The following RNF214 variants were observed in gnomAD, a reference collection of about 807,000 sequenced individuals.
RNF214 encodes ring finger protein 214.
Under a neutral mutation model 75.9 loss-of-function variants are expected in RNF214, and 25 were observed. The ratio of observed to expected loss-of-function variants is 0.33; its 90% CI spans 0.24 to 0.46. The LOEUF is 0.46. Ranked by LOEUF, RNF214 falls within the 20% of genes least tolerant of loss-of-function variation. The pLI, the probability that RNF214 is intolerant of heterozygous loss-of-function variation, is 1.00. For synonymous variants in RNF214, 314 were observed against 308.8 expected (o/e 1.02, Z -0.18); for missense variants, 725 against 857.5 (o/e 0.85, Z 1.93).
chr11:117,243,642 A>G (rs1345306734), intron 4 of RNF214, among the ~76,000 whole-genome samples: 1 of 152,228 alleles, frequency 6.6e-6, no homozygotes, highest in South Asian at 2.1e-4. Flanking sequence ...TTTGAAAGGT[A>G]ACCATTGATT....
rs117648372 is a variant in RNF214 at position 117,258,126 on chromosome 11, G to A, written c.959+11178G>A. On this transcript the variant is annotated intron_variant, in intron 6 of 14. Coordinates refer to ENST00000300650, the MANE Select transcript of RNF214 (RefSeq NM_207343.4). The stretch of plus-strand genomic sequence containing the variant: ...TTTTGAGACAGAGTCTCGCTCTGTC[G>A]CCAGGCTGGAGCGCTCACTGCAACC... Among the ~76,000 whole-genome samples the A allele has an allele frequency of 7.2e-3, 1,076 of 149,154 alleles. 7 individuals are homozygous for A. The highest frequency in any genetic ancestry group is 0.011 in the Non-Finnish European group (765 of 67,512).
In RNF214 at chr11:117,279,914, G is replaced by T. The variant is rs750651099; in HGVS notation, c.966G>T (p.Val322=). 1.9e-6 allele frequency: 3 copies of T among 1,608,770 alleles called. No individual in the cohort carries two copies. The highest frequency in any genetic ancestry group is 1.7e-5 in the Admixed American group (1 of 59,598). The change falls in exon 7 of 15, where the codon GTG becomes GTT. Residue 322 remains valine (V), a synonymous_variant. Transcript: ENST00000300650. ...EKLCEKGRRE[V]WEMELDRLKN... The stretch of plus-strand genomic sequence containing the variant: ...TTGGTTTCTTATCTTACAGAGAGGT[G>T]TGGGAAATGGAACTGGATAGACTCA...
chr11:117,238,208 C>G (rs180700715), intron 2 of RNF214, among the ~76,000 whole-genome samples: 3 of 152,046 alleles, frequency 2.0e-5, no homozygotes, highest in Admixed American at 6.6e-5. Context: ...TACAGGAGTT[C>G]GAGACCAGCC....
intron 6 of RNF214, among the ~76,000 whole-genome samples, chr11:117,271,949 A>T (rs1391924530): frequency 6.6e-6 from 1 of 152,060 alleles, no homozygotes; most frequent in South Asian, 2.1e-4. Context: ...AGTAGCTAGG[A>T]CTGCAGGAGC....
chr11:117,264,667 T>C (rs2134397408), intron 6 of RNF214, among the ~76,000 whole-genome samples: 1 of 152,314 alleles, frequency 6.6e-6, no homozygotes, highest in South Asian at 2.1e-4. Context: ...TTATGTGATA[T>C]TGCTATAGAC....
intron 3 of RNF214, 111 bp downstream of exon 3, chr11:117,239,222 G>GT (rs1297568919): frequency 1.2e-4 from 134 of 1,157,154 alleles, no homozygotes; most frequent in African/African-American, 2.2e-4. Flanking sequence ...TTTGTTTTTT[G>GT]TTTTTTTTGC....
chr11:117,269,327 A>G lies in RNF214; in HGVS notation c.960-10581A>G, dbSNP rs117642362. On this transcript the variant is annotated intron_variant, in intron 6 of 14. Transcript: ENST00000300650. The stretch of plus-strand genomic sequence containing the variant: ...TCTTTTGAACTTTGGGGGAGGTGGC[A>G]GGAAGATGAGGGGCAGAACTTCACT... Among the ~76,000 whole-genome samples, 148 of 152,330 alleles carry G rather than the reference A, an allele frequency of 9.7e-4. 5 individuals carry two copies. In the East Asian group the frequency reaches 0.021, roughly 22 times the overall value.
chr11:117,247,038 G>A, intron 6 of RNF214, 90 bp downstream of exon 6: 1 of 1,105,932 alleles, frequency 9.0e-7, no homozygotes, highest in Non-Finnish European at 1.2e-6. Flanking sequence ...TTTCCCTTCG[G>A]TTTAATTTTT....
chr11:117,238,655 C>T lies in RNF214; in HGVS notation c.162C>T (p.Ser54=), dbSNP rs758986942. Residue 54 remains serine, a synonymous_variant, in exon 3 of 15, where the codon AGC becomes AGT. Coordinates refer to ENST00000300650, the MANE Select transcript of RNF214 (RefSeq NM_207343.4). ...ACTCGCCTCTGTTGAGTGTAAGTAG[C>T]CAAACAATAACCAAGGAGAATAACA... The part of the protein sequence containing the change: ...QKNSPLLSVS[S]QTITKENNRN... 8.7e-6 allele frequency: 14 copies of T among 1,613,946 alleles called. No individual in the cohort carries two copies. In the East Asian group the frequency reaches 3.1e-4, roughly 36 times the overall value.
chr11:117,253,604 G>A (rs2033452353), intron 6 of RNF214, among the ~76,000 whole-genome samples: 1 of 152,174 alleles, frequency 6.6e-6, no homozygotes, highest in Non-Finnish European at 1.5e-5. Context: ...CACTTTGGGA[G>A]GCCAAGGCGG....
intron 2 of RNF214, among the ~76,000 whole-genome samples, chr11:117,235,520 A>G (rs1245969433): frequency 1.7e-4 from 17 of 102,092 alleles, no homozygotes; most frequent in African/African-American, 5.9e-4. Flanking sequence ...TTTTTTTGAG[A>G]TGGAGTCTCG....
intron 6 of RNF214, among the ~76,000 whole-genome samples, chr11:117,253,980 G>A (rs610775): frequency 0.45 from 68,195 of 151,844 alleles, 16,113 homozygotes; most frequent in East Asian, 0.67. Flanking sequence ...TTGGCTGGGC[G>A]CAGTAGCTTG....
At position 117,282,788 on chromosome 11, in the gene RNF214, C is replaced by G. The variant is rs760358844; in HGVS notation, c.1888C>G (p.Gln630Glu). 1 of 1,614,176 alleles carries G rather than the reference C, an allele frequency of 6.2e-7. No homozygotes were observed. The highest frequency in any genetic ancestry group is 8.5e-7 in the Non-Finnish European group (1 of 1,180,022). Residue 630 changes from glutamine to glutamate, a missense_variant, in exon 13 of 15, where the codon CAA becomes GAA. Physicochemically the swap from Gln to Glu is conservative, Grantham distance 29. Coordinates refer to ENST00000300650, the MANE Select transcript of RNF214 (RefSeq NM_207343.4). ...IRALFPAPLA[Q>E]ISTPMFLPSA... ...GGCCTTGTTCCCTGCTCCACTGGCC[C>G]AAATCAGTACCCCAATGTTCTTGCC... is the stretch of plus-strand genomic sequence containing the variant.
chr11:117,258,079 CTT>C (rs1039392379), intron 6 of RNF214, among the ~76,000 whole-genome samples: 1 of 151,570 alleles, frequency 6.6e-6, no homozygotes, highest in African/African-American at 2.4e-5. Context: ...TCTGTCTTTT[CTT>C]TTTCTTTTTT....
chr11:117,249,722 G>A (rs531099405), intron 6 of RNF214, among the ~76,000 whole-genome samples: 22 of 152,294 alleles, frequency 1.4e-4, no homozygotes, highest in Admixed American at 4.6e-4. Flanking sequence ...CTGGTTTGCC[G>A]ACAGCTGCCT....
At chr11:117,264,779 T>C (rs2033757824) in intron 6 of RNF214, among the ~76,000 whole-genome samples, 1 of 152,094 alleles carries the variant, frequency 6.6e-6, no homozygotes, top group Non-Finnish European at 1.5e-5. Flanking sequence ...CAGCCTATAA[T>C]TGGGTCCTCT....
chr11:117,259,865 C>T (rs997309401), intron 6 of RNF214, among the ~76,000 whole-genome samples: 2 of 151,944 alleles, frequency 1.3e-5, no homozygotes, highest in African/African-American at 2.4e-5. Context: ...TTCTTCTGCC[C>T]TCTTACATGA....
At chr11:117,261,942 G>A (rs1481811944) in intron 6 of RNF214, among the ~76,000 whole-genome samples, 1 of 151,848 alleles carries the variant, frequency 6.6e-6, no homozygotes, top group Non-Finnish European at 1.5e-5. Context: ...CACCACACCT[G>A]GCCCATTGAT....
chr11:117,241,303 C>G (rs1007107634), intron 4 of RNF214, among the ~76,000 whole-genome samples: 1 of 151,896 alleles, frequency 6.6e-6, no homozygotes, highest in Non-Finnish European at 1.5e-5. Flanking sequence ...TGCTTTAGGC[C>G]GGGCACAGTG....
Sources: gnomAD v4.1 joint callset for allele counts (sites outside exome capture counted in the v4.1 genomes callset) on GRCh38, gnomAD v4.1.1 for gene constraint, MANE v1.5 for transcripts, NCBI Gene and HGNC (gene_info 2026-07-23, HGNC 2026-07-21) for gene names.